SOX30: variants seen among roughly 807,000 people sequenced by gnomAD.
The protein encoded by SOX30 is transcription factor SOX-30.
SOX30 carries 17 observed loss-of-function variants against 58.6 expected under a neutral mutation model. The ratio of observed to expected loss-of-function variants is 0.29; its 90% CI spans 0.20 to 0.44. The LOEUF is 0.44. Among genes scored for constraint, SOX30 ranks in the 20% least tolerant of loss-of-function variants. SOX30 has a pLI of 1.00. For missense variants in SOX30, 951 were observed against 965.8 expected (o/e 0.98, Z 0.20); for synonymous variants, 421 against 400.2 (o/e 1.05, Z -0.62).
chr5:157,633,429 T>G (rs765891171), intron 4 of SOX30, among the ~76,000 whole-genome samples: 5 of 152,196 alleles, frequency 3.3e-5, no homozygotes, highest in Non-Finnish European at 5.9e-5. Flanking sequence ...TGTTGATCAT[T>G]TTGGCACATG....
chr5:157,635,580 C>A (rs546800276), intron 4 of SOX30, among the ~76,000 whole-genome samples: 4 of 151,726 alleles, frequency 2.6e-5, no homozygotes, highest in Non-Finnish European at 5.9e-5. Flanking sequence ...GCCAAGATTG[C>A]GCCACTGCAC....
chr5:157,637,708 GTTCT>G (rs963198311), intron 4 of SOX30, among the ~76,000 whole-genome samples: 5 of 151,716 alleles, frequency 3.3e-5, no homozygotes, highest in Non-Finnish European at 7.4e-5. Context: ...CTATATTCTT[GTTCT>G]TTTTTTTTTT....
chr5:157,651,412 C>A lies in SOX30; in HGVS notation c.667G>T (p.Asp223Tyr), dbSNP rs777578316. 1.2e-6 allele frequency: 2 copies of A among 1,613,418 alleles called. No individual in the cohort carries two copies. Among genetic ancestry groups the A allele is most frequent in the African/African-American group, 2.7e-5 (2 of 74,948 alleles). The change falls in exon 1 of 5, where the codon GAC (aspartate) becomes TAC (tyrosine). Residue 223 changes from aspartate (D) to tyrosine (Y), a missense_variant. Physicochemically the swap from Asp to Tyr is radical, Grantham distance 160. Transcript: ENST00000265007. ...GCGGGCTCCGCGCCGAGCCTGCAGT[C>A]CTCGAGGAGTCTCTCGGGTTCCTCC... ...KTEEPERLLE[D>Y]CRLGAEPASN...
Position 157,638,496 on chromosome 5 carries a change from G to T in SOX30, c.1614C>A (p.Val538=). The change falls in exon 4 of 5, where the codon GTC becomes GTA. Residue 538 remains valine, a synonymous_variant. Transcript: ENST00000265007. The part of the protein sequence containing the change: ...ATHTVKQPTP[V]SLESANRISS... ...AAATCCTGTTGGCGCTCTCTAGAGA[G>T]ACAGGAGTGGGTTGCTTCACAGTGT... The T allele has an allele frequency of 6.2e-7, 1 of 1,614,236 alleles. No individual in the cohort carries two copies. The highest frequency in any genetic ancestry group is 8.5e-7 in the Non-Finnish European group (1 of 1,180,052).
chr5:157,638,483 C>T lies in SOX30; in HGVS notation c.1627G>A (p.Ala543Thr), dbSNP rs758664177. ...KQPTPVSLESANRISSSASTA... is the reference protein window; with the variant it reads ...KQPTPVSLESTNRISSSASTA... ...CTTGCACTACTTGAAATCCTGTTGG[C>T]GCTCTCTAGAGAGACAGGAGTGGGT... The change falls in exon 4 of 5, where the codon GCC becomes ACC. Residue 543 changes from alanine to threonine, a missense_variant. This residue lies in a region of SOX30 where 381 missense variants were observed against 390.0 expected (regional missense o/e 0.98). Transcript: ENST00000265007. 13 of 1,613,958 alleles carry T rather than the reference C, an allele frequency of 8.1e-6. No homozygotes were observed. Among genetic ancestry groups the T allele is most frequent in the South Asian group, 6.6e-5 (6 of 91,076 alleles).
intron 2 of SOX30, chr5:157,667,787 C>T: frequency 1.3e-6 from 2 of 1,528,410 alleles, no homozygotes; most frequent in Non-Finnish European, 1.8e-6. Context: ...CACACACACA[C>T]ACATACAAAC....
At position 157,638,576 on chromosome 5, in the gene SOX30, G is replaced by T. The variant is rs571563119; in HGVS notation, c.1534C>A (p.Arg512Ser). 4 of 1,614,168 alleles carry T rather than the reference G, an allele frequency of 2.5e-6. No homozygotes were observed. Among genetic ancestry groups the T allele is most frequent in the South Asian group, 1.1e-5 (1 of 91,086 alleles). The change falls in exon 4 of 5, where the codon CGC becomes AGC. Residue 512 changes from arginine to serine, a missense_variant. By Grantham distance (110) the Arg-to-Ser change is moderately radical. Transcript: ENST00000265007. ...LPVYPALPPQ[R>S]FTGPSQTDTH... Reference sequence around the variant, plus strand: ...TCTGTTTGGGAAGGCCCAGTAAAGCGTTGGGGTGGGAGTGCTGGATAGACA... The same window carrying T: ...TCTGTTTGGGAAGGCCCAGTAAAGCTTTGGGGTGGGAGTGCTGGATAGACA...
chr5:157,646,850 C>T, intron 2 of SOX30, 34 bp from the exon 3 acceptor site: 2 of 1,473,844 alleles, frequency 1.4e-6, no homozygotes, highest in Non-Finnish European at 1.9e-6. Flanking sequence ...AATGTGTAGA[C>T]TCCATTTAGC....
Position 157,646,791 on chromosome 5 carries a change from C to T in SOX30, c.1233G>A (p.Gly411=), listed in dbSNP as rs1335945911. The change falls in exon 3 of 5, where the codon GGG becomes GGA. Residue 411 remains glycine (G), a synonymous_variant. Coordinates refer to ENST00000265007, the MANE Select transcript of SOX30 (RefSeq NM_178424.2). ...CACTTAGAGGGAATCGTTTTCGCTT[C>T]CCTGGACGAGGCTGATAAACCCAAC... The part of the protein sequence containing the change: ...FPGWVYQPRP[G]KRKRFPLSVS... The T allele has an allele frequency of 4.3e-6, 7 of 1,613,894 alleles. No individual in the cohort carries two copies. Among genetic ancestry groups the T allele is most frequent in the Admixed American group, 3.3e-5 (2 of 60,002 alleles).
chr5:157,663,071 A>G (rs894388067), intron 2 of SOX30, among the ~76,000 whole-genome samples: 5 of 152,198 alleles, frequency 3.3e-5, no homozygotes, highest in African/African-American at 7.2e-5. Context: ...CAATCAATGG[A>G]AAAAGAGGAA....
At chr5:157,666,652 T>G (rs1759679696) in intron 2 of SOX30, among the ~76,000 whole-genome samples, 1 of 152,170 alleles carries the variant, frequency 6.6e-6, no homozygotes, top group African/African-American at 2.4e-5. Flanking sequence ...ATGATCTCAT[T>G]GAATCCTCCC....
At chr5:157,655,843 G>C (rs547897956), upstream of SOX30, among the ~76,000 whole-genome samples, 2 of 152,210 alleles carry the variant, frequency 1.3e-5, no homozygotes, top group Admixed American at 1.3e-4. Flanking sequence ...CTAGTCTTAA[G>C]CTGTAGCCAA....
intron 3 of SOX30, among the ~76,000 whole-genome samples, chr5:157,641,774 A>G (rs1481474301): frequency 6.6e-6 from 1 of 152,210 alleles, no homozygotes; most frequent in East Asian, 1.9e-4. Flanking sequence ...TTTGCCCCAT[A>G]ATAGGATTTA....
chr5:157,661,272 T>C (rs1236001629), intron 2 of SOX30, among the ~76,000 whole-genome samples: 1 of 152,228 alleles, frequency 6.6e-6, no homozygotes, highest in African/African-American at 2.4e-5. Context: ...CATAGGTTTA[T>C]GTAGCTGCCT....
chr5:157,662,365 T>TAAA, intron 2 of SOX30, among the ~76,000 whole-genome samples: 1 of 152,268 alleles, frequency 6.6e-6, no homozygotes, highest in Non-Finnish European at 1.5e-5. Context: ...CTGTGGTCTT[T>TAAA]AGTCCTTCAT....
At chr5:157,642,901 G>A (rs576711756) in intron 3 of SOX30, among the ~76,000 whole-genome samples, 1 of 152,244 alleles carries the variant, frequency 6.6e-6, no homozygotes, top group East Asian at 1.9e-4. Flanking sequence ...AGAGAACAGA[G>A]AGACTCAATA....
At chr5:157,664,466 T>C (rs1034422417) in intron 2 of SOX30, among the ~76,000 whole-genome samples, 4 of 152,190 alleles carry the variant, frequency 2.6e-5, no homozygotes, top group Non-Finnish European at 4.4e-5. Context: ...AAGACTTAAA[T>C]GTTACACCTA....
intron 2 of SOX30, among the ~76,000 whole-genome samples, chr5:157,665,328 C>G (rs981192896): frequency 6.6e-6 from 1 of 152,106 alleles, no homozygotes; most frequent in Non-Finnish European, 1.5e-5. Context: ...AACCATCATT[C>G]GCAGCAAACT....
intron 2 of SOX30, among the ~76,000 whole-genome samples, chr5:157,663,310 A>G (rs1759610214): frequency 6.6e-6 from 1 of 152,246 alleles, no homozygotes; most frequent in Non-Finnish European, 1.5e-5. Flanking sequence ...ATGCAAATCA[A>G]TAAACGTAAT....
Sources: gnomAD v4.1 joint callset for allele counts (sites outside exome capture counted in the v4.1 genomes callset) on GRCh38, gnomAD v4.1.1 for gene constraint, gnomAD v4.1.1 regional missense constraint, MANE v1.5 for transcripts, NCBI Gene and HGNC (gene_info 2026-07-23, HGNC 2026-07-21) for gene names.